ZNF223: variants seen among roughly 807,000 people sequenced by gnomAD.
ZNF223 encodes Homo sapiens zinc finger protein 223.
ZNF223 carries 9 observed loss-of-function variants against 12.3 expected under a neutral mutation model. The observed-to-expected ratio is 0.73, with a 90% CI of 0.44 to 1.28. The LOEUF (loss-of-function observed/expected upper bound fraction) is 1.28, where lower values mean the gene tolerates loss of function less well. ZNF223 is among the 50% of genes most tolerant of loss of function. The pLI, the probability that ZNF223 is intolerant of heterozygous loss-of-function variation, is 0.00. For synonymous variants in ZNF223, 171 were observed against 195.2 expected, an observed-to-expected ratio of 0.88 and a Z score of 1.03; for missense variants, 506 against 579.0, an observed-to-expected ratio of 0.87 and a Z score of 1.29.
chr19:44,065,307 G>A (rs57796743), intron 4 of ZNF223, among the ~76,000 whole-genome samples: 4,485 of 152,200 alleles, frequency 0.029, 215 homozygotes, highest in African/African-American at 0.1. Flanking sequence ...AAACTGAAAG[G>A]AAGGTTAACT....
Position 44,067,665 on chromosome 19 carries a change from C to A in ZNF223, c.*388C>A. 5.1e-6 allele frequency: 2 copies of A among 393,484 alleles called. No homozygotes were observed. Among genetic ancestry groups the A allele is most frequent in the East Asian group, 5.8e-5 (1 of 17,194 alleles). The allele number at this position is 393,484 out of a possible 1,614,324, so 24.4% of individuals were successfully genotyped here. On this transcript the variant is annotated 3_prime_UTR_variant, in exon 5 of 5. Coordinates refer to ENST00000434772, the MANE Select transcript of ZNF223 (RefSeq NM_013361.6). ...TGTTTCAGCCATAGCTCAGCATACC[C>A]CAGTGGTCGTGGGACTGTCAGAGCA...
chr19:44,060,195 G>A (rs926841187), intron 2 of ZNF223, among the ~76,000 whole-genome samples: 1 of 152,032 alleles, frequency 6.6e-6, no homozygotes, highest in Non-Finnish European at 1.5e-5. Flanking sequence ...CTCCTAGGGG[G>A]CTACATACAA....
At chr19:44,064,241 G>A (rs1976876690) in intron 4 of ZNF223, among the ~76,000 whole-genome samples, 2 of 152,248 alleles carry the variant, frequency 1.3e-5, no homozygotes, top group Non-Finnish European at 2.9e-5. Flanking sequence ...TCACTGATGT[G>A]TAGTCTTGAA....
At position 44,055,393 on chromosome 19, in the gene ZNF223, A is replaced by G. The variant is rs775559292; in HGVS notation, c.15+202A>G. 5.5e-4 allele frequency among the ~76,000 whole-genome samples: 84 copies of G among 151,964 alleles called. 1 individual carries two copies. Among genetic ancestry groups the G allele is most frequent in the Middle Eastern group, 6.8e-3 (2 of 294 alleles). On this transcript the variant is annotated intron_variant, in intron 2 of 4. Coordinates refer to ENST00000434772, the MANE Select transcript of ZNF223 (RefSeq NM_013361.6). ...TGTATCGAACTTCTGACCTCAAGTG[A>G]TCTGCCCGCCTCGGCCTCCCAAAGT...
chr19:44,060,259 T>TA (rs1976819314), intron 2 of ZNF223, 196 bp from the exon 3 acceptor site: 6 of 961,570 alleles, frequency 6.2e-6, no homozygotes, highest in Admixed American at 3.0e-5. Context: ...GTCGTTGGAC[T>TA]TCTGATGACG....
chr19:44,057,484 A>G (rs1479332604), intron 2 of ZNF223, among the ~76,000 whole-genome samples: 1 of 152,238 alleles, frequency 6.6e-6, no homozygotes, highest in East Asian at 1.9e-4. Context: ...GAACCCTGAA[A>G]TAGATAATGG....
intron 2 of ZNF223, among the ~76,000 whole-genome samples, chr19:44,055,485 C>G (rs1976752468): frequency 1.4e-5 from 2 of 146,198 alleles, no homozygotes; most frequent in South Asian, 4.9e-4. Flanking sequence ...GCTAGTAATA[C>G]TGGGCTGGGT....
chr19:44,056,848 GC>G (rs1976775855), intron 2 of ZNF223, among the ~76,000 whole-genome samples: 1 of 151,886 alleles, frequency 6.6e-6, no homozygotes, highest in Non-Finnish European at 1.5e-5. Flanking sequence ...GCCTGCCTCG[GC>G]CTCCCAAAGT....
chr19:44,066,800 C>T lies in ZNF223; in HGVS notation c.972C>T (p.Gly324=). The T allele has an allele frequency of 6.2e-7, 1 of 1,614,176 alleles. No individual in the cohort carries two copies. The highest frequency in any genetic ancestry group is 8.5e-7 in the Non-Finnish European group (1 of 1,180,040). The change falls in exon 5 of 5, where the codon GGC becomes GGT. Residue 324 remains glycine, a synonymous_variant. Coordinates refer to ENST00000434772, the MANE Select transcript of ZNF223 (RefSeq NM_013361.6). ...KPNSTGEYGK[G]FIRRLDLCKH... Reference sequence around the variant, plus strand: ...ACAGCACTGGGGAATATGGAAAAGGCTTCATTCGTAGGCTGGATTTGTGTA... The same window carrying T: ...ACAGCACTGGGGAATATGGAAAAGGTTTCATTCGTAGGCTGGATTTGTGTA...
At chr19:44,063,057 A>G (rs1175065320) in intron 4 of ZNF223, among the ~76,000 whole-genome samples, 1 of 152,230 alleles carries the variant, frequency 6.6e-6, no homozygotes. Context: ...AGTAAGCTTT[A>G]TGACCTGGAA....
rs751353890 is a variant in ZNF223, at chr19:44,066,891, C to A, written c.1063C>A (p.Arg355=). Residue 355 remains arginine (R), a synonymous_variant, in exon 5 of 5, where the codon CGG becomes AGG. Coordinates refer to ENST00000434772, the MANE Select transcript of ZNF223 (RefSeq NM_013361.6). ...TAAAGAATGTGGGAAGAGCTTCAGA[C>A]GGTCCTCCTATCTTTTGATCCATCA... ...NCKECGKSFR[R]SSYLLIHQRV... 1 of 1,614,050 alleles carries A rather than the reference C, an allele frequency of 6.2e-7. No homozygotes were observed. Among genetic ancestry groups the A allele is most frequent in the African/African-American group, 1.3e-5 (1 of 74,930 alleles).
At chr19:44,055,977 A>G (rs1297709443) in intron 2 of ZNF223, among the ~76,000 whole-genome samples, 1 of 152,130 alleles carries the variant, frequency 6.6e-6, no homozygotes, top group Non-Finnish European at 1.5e-5. Context: ...AAAGAGAGAG[A>G]CGAGAAGAAA....
chr19:44,066,745 A>T lies in ZNF223; in HGVS notation c.917A>T (p.His306Leu), dbSNP rs1432355565. The change falls in exon 5 of 5, where the codon CAT (histidine) becomes CTT (leucine). Residue 306 changes from histidine (H) to leucine (L), a missense_variant. By Grantham distance (99) the His-to-Leu change is moderately conservative. Coordinates refer to ENST00000434772, the MANE Select transcript of ZNF223 (RefSeq NM_013361.6). ...CGTCTTAGGTCAAGTCTTAATAGGC[A>T]TTGTGTGGTCCACACAGGAAAGAAA... ...SFRLRSSLNR[H>L]CVVHTGKKPN... 6.2e-7 allele frequency: 1 copy of T among 1,614,110 alleles called. No individual in the cohort carries two copies. The highest frequency in any genetic ancestry group is 8.5e-7 in the Non-Finnish European group (1 of 1,180,058).
rs1192355604 is a variant in ZNF223 at position 44,066,519 on chromosome 19, C to T, written c.691C>T (p.Pro231Ser). The change falls in exon 5 of 5, where the codon CCT becomes TCT. Residue 231 changes from proline to serine, a missense_variant. By Grantham distance (74) the Pro-to-Ser change is moderately conservative (BLOSUM62 -1). Transcript: ENST00000434772. ...TCAGAGAGTCCATACTGGAGAGAAA[C>T]CTTTCAAATGTGAACAATGTGGGAG... ...THQRVHTGEK[P>S]FKCEQCGRGF... The T allele has an allele frequency of 3.1e-6, 5 of 1,614,152 alleles. No homozygotes were observed. Among genetic ancestry groups the T allele is most frequent in the Non-Finnish European group, 4.2e-6 (5 of 1,180,030 alleles).
chr19:44,060,767 G>A lies in ZNF223; in HGVS notation c.161G>A (p.Arg54Gln), dbSNP rs549180480. The change falls in exon 4 of 5, where the codon CGA becomes CAA. Residue 54 changes from arginine (R) to glutamine (Q), a missense_variant. By Grantham distance (43) the Arg-to-Gln change is conservative. Transcript: ENST00000434772. Reference protein sequence around the residue: ...LLSVGHQPFHRDTFHFLREEK... With the variant: ...LLSVGHQPFHQDTFHFLREEK... ...TTTACAGGGCATCAACCATTCCACC[G>A]AGATACTTTCCACTTTCTAAGGGAG... is the stretch of plus-strand genomic sequence containing the variant. 8.1e-6 allele frequency: 13 copies of A among 1,614,056 alleles called. No homozygotes were observed. The highest frequency in any genetic ancestry group is 2.2e-5 in the East Asian group (1 of 44,878).
At position 44,066,182 on chromosome 19, in the gene ZNF223, C is replaced by G; in HGVS notation, c.354C>G (p.Thr118=). The G allele has an allele frequency of 6.2e-7, 1 of 1,614,146 alleles. No individual in the cohort carries two copies. The highest frequency in any genetic ancestry group is 1.1e-5 in the South Asian group (1 of 91,090). ...ASDLTRPQDS[T]IKSSQFFEQG... is the part of the protein sequence containing the mutation. ...ATTTAACCAGGCCTCAAGACTCTAC[C>G]ATAAAGAGCTCTCAGTTCTTTGAAC... The change falls in exon 5 of 5, where the codon ACC becomes ACG. Residue 118 remains threonine, a synonymous_variant. Coordinates refer to ENST00000434772, the MANE Select transcript of ZNF223 (RefSeq NM_013361.6).
chr19:44,060,902 C>A, intron 4 of ZNF223, 61 bp downstream of exon 4: 1 of 1,452,974 alleles, frequency 6.9e-7, no homozygotes, highest in Non-Finnish European at 9.5e-7. Context: ...CTTCTGTGCA[C>A]GTCCAACTCC....
chr19:44,054,500 T>C (rs966254107), intron 1 of ZNF223, among the ~76,000 whole-genome samples: 5 of 152,188 alleles, frequency 3.3e-5, no homozygotes, highest in African/African-American at 1.2e-4. Flanking sequence ...GGACTCAGAA[T>C]CCAGTCTTAT....
intron 4 of ZNF223, among the ~76,000 whole-genome samples, chr19:44,065,362 T>C (rs887076845): frequency 1.3e-5 from 2 of 152,228 alleles, no homozygotes; most frequent in African/African-American, 2.4e-5. Context: ...ACGAAGTATT[T>C]ATTATGTTAC....
Sources: allele counts gnomAD v4.1 joint callset (sites outside exome capture counted in the v4.1 genomes callset), GRCh38; gene constraint gnomAD v4.1.1; transcripts MANE v1.5; gene names NCBI Gene and HGNC (gene_info 2026-07-23, HGNC 2026-07-21).